The following CLIP2 variants were observed in gnomAD, a reference collection of about 807,000 sequenced individuals.
The protein encoded by CLIP2 is CAP-Gly domain containing linker protein 2, also known as CAP-Gly domain-containing linker protein 2.
CLIP2 carries 41 observed loss-of-function variants against 111.7 expected under a neutral mutation model. The ratio of observed to expected loss-of-function variants is 0.37; its 90% confidence interval spans 0.29 to 0.48. CLIP2 has a LOEUF of 0.48. Among genes scored for constraint, CLIP2 ranks in the 20% least tolerant of loss-of-function variants. The pLI, the probability that CLIP2 is intolerant of heterozygous loss-of-function variation, is 0.99. For synonymous variants in CLIP2, 660 were observed against 644.2 expected (o/e 1.02, Z -0.37); for missense variants, 1,160 against 1,422.1 (o/e 0.82, Z 2.96).
chr7:74,349,470 G>GTGTATATATATATATATATA (rs1181485819), intron 3 of CLIP2, among the ~76,000 whole-genome samples: 1 of 33,768 alleles, frequency 3.0e-5, no homozygotes, highest in Non-Finnish European at 5.6e-5. Context: ...GTGTGTGTGT[G>GTGTATATATATATATATATA]TATATATATA....
At chr7:74,329,189 G>A (rs1250901575) in intron 2 of CLIP2, among the ~76,000 whole-genome samples, 1 of 146,900 alleles carries the variant, frequency 6.8e-6, no homozygotes, top group African/African-American at 2.5e-5. Context: ...GCCTTCCAAA[G>A]TGCTGGGATT....
intron 1 of CLIP2, among the ~76,000 whole-genome samples, chr7:74,299,341 A>G (rs1584303340): frequency 6.6e-6 from 1 of 151,176 alleles, no homozygotes; most frequent in African/African-American, 2.4e-5. Flanking sequence ...ATAAATAAAT[A>G]AATAAATAAA....
At chr7:74,319,304 G>T (rs551418268) in intron 2 of CLIP2, among the ~76,000 whole-genome samples, 52 of 152,100 alleles carry the variant, frequency 3.4e-4, no homozygotes, top group Non-Finnish European at 6.9e-4. Context: ...CCTAGGTCAG[G>T]AGTTCGAGAC....
intron 9 of CLIP2, among the ~76,000 whole-genome samples, chr7:74,374,845 A>G (rs1554312484): frequency 6.6e-6 from 1 of 152,202 alleles, no homozygotes; most frequent in African/African-American, 2.4e-5. Flanking sequence ...CATATCTATG[A>G]CCATCAACGT....
intron 11 of CLIP2, among the ~76,000 whole-genome samples, chr7:74,385,760 G>A (rs1354788714): frequency 4.7e-5 from 2 of 42,376 alleles, no homozygotes; most frequent in Non-Finnish European, 9.9e-5. Flanking sequence ...TTTTTTTTTT[G>A]AGACAGAGTT....
chr7:74,394,434 T>G (rs797030758), intron 13 of CLIP2, among the ~76,000 whole-genome samples: 7 of 151,864 alleles, frequency 4.6e-5, no homozygotes, highest in African/African-American at 9.7e-5. Flanking sequence ...ATTTTTAGTA[T>G]AGATAGGGTT....
At chr7:74,326,618 C>CA (rs1789114255) in intron 2 of CLIP2, among the ~76,000 whole-genome samples, 1 of 151,354 alleles carries the variant, frequency 6.6e-6, no homozygotes, top group African/African-American at 2.4e-5. Flanking sequence ...CTAGTACACA[C>CA]ACAGGGCTGG....
At chr7:74,313,523 G>A (rs939631579) in intron 1 of CLIP2, among the ~76,000 whole-genome samples, 2 of 151,178 alleles carry the variant, frequency 1.3e-5, no homozygotes, top group Non-Finnish European at 2.9e-5. Context: ...TTGCGCCACT[G>A]CACTCCAGCC....
chr7:74,372,339 G>C (rs1358866929), intron 8 of CLIP2, among the ~76,000 whole-genome samples: 1 of 150,568 alleles, frequency 6.6e-6, no homozygotes, highest in East Asian at 2.0e-4. Context: ...GGATCGTGAG[G>C]GGTCGGGTAT....
chr7:74,312,481 C>G (rs191167059), intron 1 of CLIP2, among the ~76,000 whole-genome samples: 1 of 152,222 alleles, frequency 6.6e-6, no homozygotes, highest in Admixed American at 6.6e-5. Flanking sequence ...TTTGGTCACC[C>G]ACAAGGTGGG....
intron 11 of CLIP2, among the ~76,000 whole-genome samples, chr7:74,385,874 C>G (rs1584383002): frequency 1.3e-5 from 2 of 151,180 alleles, no homozygotes; most frequent in Non-Finnish European, 2.9e-5. Flanking sequence ...TCCCAAGTAG[C>G]TGGAATTACA....
rs574026333 is a variant in CLIP2, at chr7:74,376,628, C to T, written c.2227C>T (p.Arg743Trp). The T allele has an allele frequency of 1.5e-4, 236 of 1,613,310 alleles. 2 individuals are homozygous for T. The Admixed American group carries it at 3.6e-3, about 25-fold the overall frequency. Reference protein sequence around the residue: ...HELEKLDVEYRGQAQAIEFLK... With the variant: ...HELEKLDVEYWGQAQAIEFLK... Reference sequence around the variant, plus strand: ...GCTGGAAAAACTGGACGTGGAGTACCGGGGCCAGGCGCAGGCTATCGAGTT... The same window carrying T: ...GCTGGAAAAACTGGACGTGGAGTACTGGGGCCAGGCGCAGGCTATCGAGTT... The change falls in exon 10 of 17, where the codon CGG becomes TGG. Residue 743 changes from arginine (R) to tryptophan (W), a missense_variant. By Grantham distance (101) the Arg-to-Trp change is moderately radical. Around this residue, in one of 5 missense-constraint regions of CLIP2, gnomAD observed 676 missense variants for 777.8 expected, o/e 0.87. Coordinates refer to ENST00000223398, the MANE Select transcript of CLIP2 (RefSeq NM_003388.5). The surrounding 1 kb of genome is among the most constrained non-coding windows in gnomAD (Gnocchi z 7.1).
At chr7:74,381,557 G>T (rs1186890157) in intron 11 of CLIP2, 1 of 454,344 alleles carries the variant, frequency 2.2e-6, no homozygotes, top group South Asian at 1.6e-5. Flanking sequence ...ACTCTTCACT[G>T]TTCTCTATTC....
At chr7:74,381,726 T>C (rs1790952211) in intron 11 of CLIP2, 7 of 427,880 alleles carry the variant, frequency 1.6e-5, no homozygotes, top group South Asian at 1.0e-4. Flanking sequence ...AGAGGGTTCC[T>C]TATCAGTAGT....
At chr7:74,364,037 T>C (rs1438960189) in intron 7 of CLIP2, among the ~76,000 whole-genome samples, 3 of 152,176 alleles carry the variant, frequency 2.0e-5, no homozygotes, top group Non-Finnish European at 4.4e-5. Context: ...GGTGTTGCCT[T>C]AAACACTGCC....
chr7:74,372,887 G>A (rs1217140743), intron 8 of CLIP2, 45 bp from the exon 9 acceptor site: 17 of 325,468 alleles, frequency 5.2e-5, no homozygotes, highest in African/African-American at 2.6e-4. Context: ...CCCTCCCTGC[G>A]TCCCCGCCCC....
At chr7:74,318,494 C>G (rs1441542906) in intron 2 of CLIP2, among the ~76,000 whole-genome samples, 1 of 152,096 alleles carries the variant, frequency 6.6e-6, no homozygotes, top group Non-Finnish European at 1.5e-5. Flanking sequence ...GGAAGGATCA[C>G]TTGAGGTCAG....
In CLIP2 at chr7:74,349,492, A is replaced by G. The variant is rs1385578585; in HGVS notation, c.679-4388A>G. On this transcript the variant is annotated intron_variant, in intron 3 of 16. Coordinates refer to ENST00000223398, the MANE Select transcript of CLIP2 (RefSeq NM_003388.5). Reference sequence around the variant, plus strand: ...TGTGTATATATATATATATATATATATATATATATATATATATATGTAAAT... The same window carrying G: ...TGTGTATATATATATATATATATATGTATATATATATATATATATGTAAAT... Among the ~76,000 whole-genome samples the G allele has an allele frequency of 8.8e-4, 110 of 124,592 alleles. 3 individuals are homozygous for G. The highest frequency in any genetic ancestry group is 1.3e-3 in the Non-Finnish European group (81 of 60,938). 81.7% of individuals were successfully genotyped at this position (124,592 alleles called of 152,430 possible). A position where few individuals can be genotyped will look rare whatever the true frequency, so the allele number is the denominator to read the frequency against.
intron 3 of CLIP2, among the ~76,000 whole-genome samples, chr7:74,350,362 T>C (rs1176612258): frequency 6.6e-6 from 1 of 152,072 alleles, no homozygotes. Flanking sequence ...TGTATGTTTA[T>C]TTTTTATTGT....
Sources: gnomAD v4.1 joint callset for allele counts (sites outside exome capture counted in the v4.1 genomes callset) on GRCh38, gnomAD v4.1.1 for gene constraint, gnomAD v4.1.1 regional missense constraint, Gnocchi (gnomAD v3.1) non-coding constraint, MANE v1.5 for transcripts, NCBI Gene and HGNC (gene_info 2026-07-23, HGNC 2026-07-21) for gene names.